The following EPHA6 variants were observed in gnomAD, a reference collection of about 807,000 sequenced individuals.
EPHA6 encodes the protein EPH receptor A6, also known as ephrin type-A receptor 6.
In EPHA6, 50 loss-of-function variants were observed where a neutral mutation model predicts 112.0. The ratio of observed to expected loss-of-function variants is 0.45; its 90% CI spans 0.36 to 0.56. The LOEUF (loss-of-function observed/expected upper bound fraction) is 0.56, where lower values mean the gene tolerates loss of function less well. EPHA6 is among the 20% of genes least tolerant of loss of function. The pLI is 0.00. For synonymous variants in EPHA6, 529 were observed against 490.7 expected (o/e 1.08, Z -1.03); for missense variants, 1,280 against 1,417.4 (o/e 0.90, Z 1.56).
intron 3 of EPHA6, among the ~76,000 whole-genome samples, chr3:97,102,421 G>A (rs2047431657): frequency 6.6e-6 from 1 of 152,042 alleles, no homozygotes; most frequent in South Asian, 2.1e-4. Flanking sequence ...ATGTGGGTAG[G>A]GGGATAGTGT....
chr3:96,956,849 A>G (rs2041781489), intron 2 of EPHA6, among the ~76,000 whole-genome samples: 1 of 152,080 alleles, frequency 6.6e-6, no homozygotes. Flanking sequence ...CCTGGCCAAG[A>G]TGGTGAAACC....
intron 1 of EPHA6, among the ~76,000 whole-genome samples, chr3:96,817,772 C>T (rs1438610247): frequency 6.6e-6 from 1 of 151,868 alleles, no homozygotes; most frequent in African/African-American, 2.4e-5. Flanking sequence ...CCCCAATCCC[C>T]ATTTTTCCAT....
intron 2 of EPHA6, among the ~76,000 whole-genome samples, chr3:96,876,702 T>C (rs974822996): frequency 1.3e-5 from 2 of 152,102 alleles, no homozygotes; most frequent in Admixed American, 1.3e-4. Context: ...GTTTCTTCCA[T>C]ATGACTTGCT....
chr3:96,917,002 A>G (rs16836986), intron 2 of EPHA6, among the ~76,000 whole-genome samples: 4,749 of 152,204 alleles, frequency 0.031, 106 homozygotes, highest in Middle Eastern at 0.065. Context: ...GTAGTTTTCT[A>G]ATTGCAGCTA....
intron 3 of EPHA6, among the ~76,000 whole-genome samples, chr3:97,153,883 C>T (rs976149532): frequency 7.9e-5 from 12 of 151,944 alleles, no homozygotes; most frequent in Admixed American, 5.2e-4. Flanking sequence ...TGGCAAACTT[C>T]GGCTGAGTGC....
chr3:97,173,892 A>C (rs2108434057), intron 3 of EPHA6, among the ~76,000 whole-genome samples: 1 of 151,934 alleles, frequency 6.6e-6, no homozygotes, highest in Middle Eastern at 3.4e-3. Flanking sequence ...CAAACATTCC[A>C]GTTACATTAT....
At position 97,085,948 on chromosome 3, in the gene EPHA6, T is replaced by C. The variant is rs559510755; in HGVS notation, c.1114+97955T>C. Among the ~76,000 whole-genome samples, 341 of 145,140 alleles carry C rather than the reference T, an allele frequency of 2.3e-3. 6 individuals are homozygous for C. The highest frequency in any genetic ancestry group is 3.8e-3 in the Non-Finnish European group (258 of 67,552). On this transcript the variant is annotated intron_variant, in intron 3 of 17. Transcript: ENST00000389672. ...GATGTCATATATATATATATATATA[T>C]ACACACTGAGATGGAGTCTCTTGTC... is the stretch of plus-strand genomic sequence containing the variant.
intron 11 of EPHA6, among the ~76,000 whole-genome samples, chr3:97,544,817 T>C (rs1159674084): frequency 6.6e-6 from 1 of 152,220 alleles, no homozygotes; most frequent in Non-Finnish European, 1.5e-5. Context: ...GGTTTAGTCT[T>C]GGGAGGATGT....
intron 14 of EPHA6, among the ~76,000 whole-genome samples, chr3:97,697,409 TA>T (rs1313530639): frequency 6.6e-6 from 1 of 152,132 alleles, no homozygotes; most frequent in East Asian, 1.9e-4. Context: ...CATCCTTTAA[TA>T]AAAATAAAGG....
At chr3:97,447,538 C>G (rs559272912) in intron 6 of EPHA6, among the ~76,000 whole-genome samples, 1 of 152,146 alleles carries the variant, frequency 6.6e-6, no homozygotes, top group African/African-American at 2.4e-5. Flanking sequence ...TTTCCAGATA[C>G]CCTATTAAAA....
chr3:97,112,590 GA>G (rs1354557305), intron 3 of EPHA6, among the ~76,000 whole-genome samples: 5 of 151,752 alleles, frequency 3.3e-5, no homozygotes, highest in Non-Finnish European at 7.4e-5. Context: ...TTTTGTATGT[GA>G]AGTTTAATCA....
intron 10 of EPHA6, among the ~76,000 whole-genome samples, chr3:97,521,657 G>T (rs1455652089): frequency 3.9e-5 from 6 of 152,074 alleles, no homozygotes; most frequent in Non-Finnish European, 7.4e-5. Context: ...TGGGGATTAT[G>T]GGAACTACAA....
In EPHA6 at chr3:97,233,645, T is replaced by C. The variant is rs138275527; in HGVS notation, c.1270+7226T>C. Among the ~76,000 whole-genome samples the C allele has an allele frequency of 2.6e-5, 4 of 152,338 alleles. No homozygotes were observed. In the East Asian group the frequency reaches 7.7e-4, roughly 29 times the overall value. On this transcript the variant is annotated intron_variant, in intron 4 of 17. Transcript: ENST00000389672. ...GGTGTATTATCTAAGAGTTGGAATTTAGATCATCAGTCATTCCCATTACTA... is the reference window on the plus strand; with the variant it reads ...GGTGTATTATCTAAGAGTTGGAATTCAGATCATCAGTCATTCCCATTACTA...
At position 97,756,812 on chromosome 3, in the gene EPHA6, C is replaced by T. The variant is rs1306222618; in HGVS notation, c.*8111C>T. Among the ~76,000 whole-genome samples, 1 of 151,652 alleles carries T rather than the reference C, an allele frequency of 6.6e-6. No individual in the cohort carries two copies. Among genetic ancestry groups the T allele is most frequent in the Non-Finnish European group, 1.5e-5 (1 of 67,736 alleles). ...TTTGATGTAAAGATTATGGTGTGTG[C>T]TTGATTTTGGATACATTATTATTCA... On this transcript the variant is annotated 3_prime_UTR_variant, in exon 18 of 18. Coordinates refer to ENST00000389672, the MANE Select transcript of EPHA6 (RefSeq NM_001080448.3).
intron 3 of EPHA6, among the ~76,000 whole-genome samples, chr3:97,108,299 C>G (rs1024676819): frequency 1.3e-5 from 2 of 152,104 alleles, no homozygotes; most frequent in African/African-American, 4.8e-5. Flanking sequence ...AGCAAGTGTT[C>G]CCATTTAAAA....
At chr3:97,668,433 C>T (rs1312475762) in intron 14 of EPHA6, among the ~76,000 whole-genome samples, 4 of 152,072 alleles carry the variant, frequency 2.6e-5, no homozygotes, top group African/African-American at 9.7e-5. Context: ...CTGCTTGAAC[C>T]GTTGGTTATT....
chr3:97,083,169 C>A (rs1294270596), intron 3 of EPHA6, among the ~76,000 whole-genome samples: 1 of 151,902 alleles, frequency 6.6e-6, no homozygotes, highest in Non-Finnish European at 1.5e-5. Flanking sequence ...ACAGATGCTG[C>A]CTCAAATTCA....
At chr3:96,956,535 G>A (rs1031764070) in intron 2 of EPHA6, among the ~76,000 whole-genome samples, 1 of 152,108 alleles carries the variant, frequency 6.6e-6, no homozygotes, top group Non-Finnish European at 1.5e-5. Flanking sequence ...ATAAAAAGAC[G>A]ATATGTGAAG....
Position 97,572,086 on chromosome 3 carries a change from G to A in EPHA6, c.2387-20526G>A, listed in dbSNP as rs143498658. Among the ~76,000 whole-genome samples, 19 of 150,794 alleles carry A rather than the reference G, an allele frequency of 1.3e-4. No homozygotes were observed. The East Asian group carries it at 3.3e-3, about 26-fold the overall frequency. ...TCTATCTAAAGTAGAAGTTTTCTTG[G>A]ACCAAAAATCTATGTTGTTCTGATT... On this transcript the variant is annotated intron_variant, in intron 11 of 17. Transcript: ENST00000389672.
Sources: gnomAD v4.1 joint callset for allele counts (sites outside exome capture counted in the v4.1 genomes callset) on GRCh38, gnomAD v4.1.1 for gene constraint, MANE v1.5 for transcripts, NCBI Gene and HGNC (gene_info 2026-07-23, HGNC 2026-07-21) for gene names.